Variants in MSL2 observed in about 807,000 individuals in gnomAD.
The protein encoded by MSL2 is E3 ubiquitin-protein ligase MSL2.
Under a neutral mutation model 35.8 loss-of-function variants are expected in MSL2, and 2 were observed. The observed-to-expected ratio is 0.06, with a 90% CI of 0.02 to 0.18. The LOEUF (loss-of-function observed/expected upper bound fraction) is 0.18, where lower values mean the gene tolerates loss of function less well. Ranked by LOEUF, MSL2 falls within the 10% of genes least tolerant of loss-of-function variation. The pLI, the probability that MSL2 is intolerant of heterozygous loss-of-function variation, is 1.00. For missense variants in MSL2, 523 were observed against 706.7 expected (o/e 0.74, Z 2.95); for synonymous variants, 296 against 255.7 (o/e 1.16, Z -1.50).
chr3:136,166,289 G>A (rs1334226244), intron 1 of MSL2, among the ~76,000 whole-genome samples: 1 of 151,968 alleles, frequency 6.6e-6, no homozygotes, highest in Non-Finnish European at 1.5e-5. Flanking sequence ...TCAGGAGGCT[G>A]AGGCAGGAGA....
At chr3:136,189,305 A>AT (rs925652517) in intron 1 of MSL2, among the ~76,000 whole-genome samples, 2 of 146,110 alleles carry the variant, frequency 1.4e-5, no homozygotes, top group East Asian at 4.0e-4. Flanking sequence ...TCTCGAGAAA[A>AT]TTAAAAAAAA....
Position 136,151,095 on chromosome 3 carries a change from G to A in MSL2, c.*52C>T, listed in dbSNP as rs770766416. 33 of 1,572,734 alleles carry A rather than the reference G, an allele frequency of 2.1e-5. No individual in the cohort carries two copies. The highest frequency in any genetic ancestry group is 6.8e-5 in the East Asian group (3 of 44,382). On this transcript the variant is annotated 3_prime_UTR_variant, in exon 2 of 2. Transcript: ENST00000309993. This position sits in a 1 kb window ranked among gnomAD's most constrained non-coding sequence, Gnocchi z 5.2. ...TTAAACCAACAGAACCATAGCTGCC[G>A]TAAAACTGTAGCTATTTCCCTACCA...
chr3:136,178,193 G>A (rs561808262), intron 1 of MSL2, among the ~76,000 whole-genome samples: 4 of 152,108 alleles, frequency 2.6e-5, no homozygotes, highest in African/African-American at 9.7e-5. Flanking sequence ...ACTAAGTAGG[G>A]GAGGCTTTTA....
intron 1 of MSL2, among the ~76,000 whole-genome samples, chr3:136,180,791 AG>A (rs750867120): frequency 0.065 from 4,421 of 68,216 alleles, 351 homozygotes; most frequent in Non-Finnish European, 0.091. Flanking sequence ...GGAGGGAGGG[AG>A]GGAGGGAGGG....
chr3:136,161,491 A>G (rs1182363512), intron 1 of MSL2, among the ~76,000 whole-genome samples: 2 of 152,270 alleles, frequency 1.3e-5, no homozygotes, highest in African/African-American at 2.4e-5. Flanking sequence ...GTGAGTAGAT[A>G]AACAAAATGT....
chr3:136,195,857 G>A lies in MSL2; in HGVS notation c.-744C>T. 2 of 981,222 alleles carry A rather than the reference G, an allele frequency of 2.0e-6. No individual in the cohort carries two copies. The highest frequency in any genetic ancestry group is 2.4e-6 in the Non-Finnish European group (2 of 826,710). The allele number at this position is 981,222 out of a possible 1,614,324, so 60.8% of individuals were successfully genotyped here. ...CCGGGGAGGAAGTGCGCGGGCCGCC[G>A]CCGGCGGGCGGGAGGGGGCGGGGGG... On this transcript the variant is annotated 5_prime_UTR_variant, in exon 1 of 2. Coordinates refer to ENST00000309993, the MANE Select transcript of MSL2 (RefSeq NM_018133.4).
rs902116681 is a variant in MSL2, at chr3:136,149,046, A to G, written c.*2101T>C. On this transcript the variant is annotated 3_prime_UTR_variant, in exon 2 of 2. Transcript: ENST00000309993. ...AAACAACCTGAATTCATCATTGGCA[A>G]TATTACATAACAATCAAGGCCCTCA... The G allele has an allele frequency of 6.6e-6, 1 of 152,416 alleles. No individual in the cohort carries two copies. Among genetic ancestry groups the G allele is most frequent in the Non-Finnish European group, 1.5e-5 (1 of 67,992 alleles). 9.4% of individuals were successfully genotyped at this position (152,416 alleles called of 1,614,324 possible). A position where few individuals can be genotyped will look rare whatever the true frequency, so the allele number is the denominator to read the frequency against.
rs544198076 is a variant in MSL2 at position 136,180,213 on chromosome 3, A to AT, written c.142+14758dup. The stretch of plus-strand genomic sequence containing the variant: ...TGGACTTCTTATGTTTCCGACTAAA[A>AT]TTTTTTTTTAACAATTTTTGTATTT... On this transcript the variant is annotated intron_variant, in intron 1 of 1. Transcript: ENST00000309993. Among the ~76,000 whole-genome samples, 25 of 151,900 alleles carry AT rather than the reference A, an allele frequency of 1.6e-4. No individual in the cohort carries two copies. In the Middle Eastern group the frequency reaches 0.017, roughly 103 times the overall value.
intron 1 of MSL2, among the ~76,000 whole-genome samples, chr3:136,168,671 G>A (rs1203392900): frequency 6.6e-6 from 1 of 151,966 alleles, no homozygotes; most frequent in Non-Finnish European, 1.5e-5. Flanking sequence ...CGGTTGATGG[G>A]TGCAGCAAAC....
In MSL2 at chr3:136,195,843, G is replaced by C; in HGVS notation, c.-730C>G. The C allele has an allele frequency of 2.0e-6, 2 of 983,686 alleles. No individual in the cohort carries two copies. The highest frequency in any genetic ancestry group is 1.2e-6 in the Non-Finnish European group (1 of 828,720). 60.9% of individuals were successfully genotyped at this position (983,686 alleles called of 1,614,324 possible). On this transcript the variant is annotated 5_prime_UTR_variant, in exon 1 of 2. Transcript: ENST00000309993. ...CCCGGAGGGGAAGGCCGGGGAGGAA[G>C]TGCGCGGGCCGCCGCCGGCGGGCGG...
rs957158556 is a variant in MSL2 at position 136,151,624 on chromosome 3, A to G, written c.1257T>C (p.Ser419=). 2 of 1,614,052 alleles carry G rather than the reference A, an allele frequency of 1.2e-6. No homozygotes were observed. The highest frequency in any genetic ancestry group is 1.7e-6 in the Non-Finnish European group (2 of 1,180,018). ...KKSHEHGSKK[S]HSKTKPGILK... is the part of the protein sequence containing the mutation. ...GAATACCTGGCTTGGTTTTAGAGTG[A>G]GATTTCTTGGATCCATGTTCATGAC... Residue 419 remains serine, a synonymous_variant, in exon 2 of 2, where the codon TCT becomes TCC. Transcript: ENST00000309993. The surrounding 1 kb of genome is among the most constrained non-coding windows in gnomAD (Gnocchi z 5.2).
chr3:136,191,467 CA>C (rs11293553), intron 1 of MSL2, among the ~76,000 whole-genome samples: 63,907 of 122,760 alleles, frequency 0.52, 15,534 homozygotes, highest in East Asian at 0.78. Flanking sequence ...GAATCCGTCT[CA>C]AAAAAAAAAA....
intron 1 of MSL2, among the ~76,000 whole-genome samples, chr3:136,176,584 G>A (rs948032110): frequency 1.3e-5 from 2 of 151,046 alleles, no homozygotes; most frequent in African/African-American, 4.9e-5. Context: ...CTCAGCATTG[G>A]GAGGCTGAGG....
intron 1 of MSL2, among the ~76,000 whole-genome samples, chr3:136,193,840 GT>G (rs1219679179): frequency 1.3e-5 from 2 of 152,088 alleles, no homozygotes; most frequent in East Asian, 3.9e-4. Context: ...TTACTTAAAT[GT>G]TTATGACCTT....
chr3:136,189,151 T>G (rs952794833), intron 1 of MSL2, among the ~76,000 whole-genome samples: 1 of 40,376 alleles, frequency 2.5e-5, no homozygotes, highest in African/African-American at 1.0e-4. Flanking sequence ...CACACAAAAA[T>G]AAGGCGAGCA....
intron 1 of MSL2, among the ~76,000 whole-genome samples, chr3:136,191,588 TG>T (rs536728534): frequency 6.2e-4 from 94 of 152,220 alleles, no homozygotes; most frequent in African/African-American, 2.2e-3. Context: ...AAGACCTGCC[TG>T]GGCAACACGG....
Position 136,195,570 on chromosome 3 carries a change from A to C in MSL2, c.-457T>G. 4.0e-6 allele frequency: 4 copies of C among 998,658 alleles called. No homozygotes were observed. The highest frequency in any genetic ancestry group is 4.8e-6 in the Non-Finnish European group (4 of 838,716). 61.9% of individuals were successfully genotyped at this position (998,658 alleles called of 1,614,324 possible). On this transcript the variant is annotated 5_prime_UTR_variant, in exon 1 of 2. Coordinates refer to ENST00000309993, the MANE Select transcript of MSL2 (RefSeq NM_018133.4). ...GCGCGGCACGCTTCTCCCGGGCTGC[A>C]GGGCCTCTTACTCCATCCCAGTACA...
At chr3:136,167,675 G>A (rs1257562158) in intron 1 of MSL2, among the ~76,000 whole-genome samples, 1 of 152,110 alleles carries the variant, frequency 6.6e-6, no homozygotes, top group East Asian at 1.9e-4. Flanking sequence ...GACACATGCA[G>A]GTGATTTATA....
At chr3:136,194,298 G>A (rs1381944822) in intron 1 of MSL2, 3 of 450,596 alleles carry the variant, frequency 6.7e-6, no homozygotes, top group Non-Finnish European at 8.8e-6. Context: ...TACCCACCAC[G>A]AGTTAATTTT....
Sources: gnomAD v4.1 joint callset for allele counts (sites outside exome capture counted in the v4.1 genomes callset) on GRCh38, gnomAD v4.1.1 for gene constraint, Gnocchi (gnomAD v3.1) non-coding constraint, MANE v1.5 for transcripts, NCBI Gene and HGNC (gene_info 2026-07-23, HGNC 2026-07-21) for gene names.